The following TIMP2 variants were observed in gnomAD, a reference collection of about 807,000 sequenced individuals.
TIMP2 encodes the protein metalloproteinase inhibitor 2.
TIMP2 carries 5 observed loss-of-function variants against 24.3 expected under a neutral mutation model. That is an observed-to-expected ratio of 0.21 (90% CI 0.11 to 0.43). The LOEUF is 0.43. Among genes scored for constraint, TIMP2 ranks in the 20% least tolerant of loss-of-function variants. TIMP2 has a pLI of 1.00. For missense variants in TIMP2, 221 were observed against 297.5 expected (o/e 0.74, Z 1.89); for synonymous variants, 130 against 123.2 (o/e 1.06, Z -0.37).
At chr17:78,923,412 A>AGGGGGGGGGG (rs2070324055) in intron 1 of TIMP2, among the ~76,000 whole-genome samples, 1 of 9,840 alleles carries the variant, frequency 1.0e-4, no homozygotes, top group African/African-American at 4.2e-4. Flanking sequence ...GGGGGGCGGG[A>AGGGGGGGGGG]GGGGGAGGGG....
rs796878154 is a variant in TIMP2, at chr17:78,866,878, G to A, written c.340+4020C>T. Among the ~76,000 whole-genome samples, 14 of 152,266 alleles carry A rather than the reference G, an allele frequency of 9.2e-5. 1 individual carries two copies. The highest frequency in any genetic ancestry group is 3.4e-4 in the African/African-American group (14 of 41,562). ...GTGGCTGCTTAGGGCTGGGGGAGGGGGAGGGGAGTCAGGAGGGTAATAGCT... is the reference window on the plus strand; with the variant it reads ...GTGGCTGCTTAGGGCTGGGGGAGGGAGAGGGGAGTCAGGAGGGTAATAGCT... On this transcript the variant is annotated intron_variant, in intron 3 of 4. Transcript: ENST00000262768.
intron 1 of TIMP2, among the ~76,000 whole-genome samples, chr17:78,889,847 C>G: frequency 6.6e-6 from 1 of 152,250 alleles, no homozygotes; most frequent in South Asian, 2.1e-4. Flanking sequence ...AGGCCAGGCG[C>G]GGTGGCTCAA....
chr17:78,891,199 A>T lies in TIMP2; in HGVS notation c.131-17280T>A. 6.4e-7 allele frequency: 1 copy of T among 1,550,514 alleles called. No homozygotes were observed. The highest frequency in any genetic ancestry group is 1.2e-5 in the South Asian group (1 of 84,048). On this transcript the variant is annotated intron_variant, in intron 1 of 4. Transcript: ENST00000262768. This position sits in a 1 kb window ranked among gnomAD's most constrained non-coding sequence, Gnocchi z 4.5. ...TAAACGTGGGCTTGACCGTGCCCTG[A>T]TATTTTTGGTTCTGGGCCTTGCCCA...
At position 78,877,919 on chromosome 17, in the gene TIMP2, G is replaced by T. The variant is rs111971642; in HGVS notation, c.131-4000C>A. Among the ~76,000 whole-genome samples the T allele has an allele frequency of 3.9e-3, 595 of 152,040 alleles. 2 individuals are homozygous for T. Among genetic ancestry groups the T allele is most frequent in the African/African-American group, 0.014 (562 of 41,502 alleles). ...GACGGGGTTTCACCATGCTGGCCAG[G>T]ATGGTCTTGAACTCCTGACCTCGTG... is the stretch of plus-strand genomic sequence containing the variant. On this transcript the variant is annotated intron_variant, in intron 1 of 4. Transcript: ENST00000262768.
chr17:78,869,370 T>G, intron 3 of TIMP2, among the ~76,000 whole-genome samples: 1 of 146,662 alleles, frequency 6.8e-6, no homozygotes, highest in African/African-American at 2.5e-5. Context: ...TTGCAGTGAG[T>G]CATGATCGCA....
chr17:78,918,228 C>T (rs1262907085), intron 1 of TIMP2, among the ~76,000 whole-genome samples: 3 of 152,176 alleles, frequency 2.0e-5, no homozygotes, highest in Non-Finnish European at 4.4e-5. Flanking sequence ...TGCTTCTTAG[C>T]GTAAACACAC....
chr17:78,924,017 G>A lies in TIMP2; in HGVS notation c.130+942C>T, dbSNP rs905813848. Among the ~76,000 whole-genome samples the A allele has an allele frequency of 5.3e-5, 8 of 152,168 alleles. No homozygotes were observed. Among genetic ancestry groups the A allele is most frequent in the Non-Finnish European group, 1.2e-4 (8 of 68,022 alleles). Reference sequence around the variant, plus strand: ...TGCCGTGTAGCCAGACTTGCCCCAGGAAAACCATGCTGACCAGCACCAGGG... The same window carrying A: ...TGCCGTGTAGCCAGACTTGCCCCAGAAAAACCATGCTGACCAGCACCAGGG... On this transcript the variant is annotated intron_variant, in intron 1 of 4. Coordinates refer to ENST00000262768, the MANE Select transcript of TIMP2 (RefSeq NM_003255.5). The surrounding 1 kb of genome is among the most constrained non-coding windows in gnomAD (Gnocchi z 5.3).
At chr17:78,878,536 CCA>C (rs1421375247) in intron 1 of TIMP2, among the ~76,000 whole-genome samples, 2 of 152,200 alleles carry the variant, frequency 1.3e-5, no homozygotes, top group African/African-American at 4.8e-5. Flanking sequence ...GGTCAGCAGG[CCA>C]CAGACTCTCG....
At chr17:78,868,818 T>G (rs1317838672) in intron 3 of TIMP2, among the ~76,000 whole-genome samples, 1 of 152,176 alleles carries the variant, frequency 6.6e-6, no homozygotes, top group East Asian at 1.9e-4. Flanking sequence ...CTTCCATCAC[T>G]GCAGAAAGCT....
intron 1 of TIMP2, among the ~76,000 whole-genome samples, chr17:78,918,162 G>A (rs114170953): frequency 1.2e-3 from 184 of 152,170 alleles, no homozygotes; most frequent in African/African-American, 4.3e-3. Context: ...ATCTCTGGCT[G>A]GGTGTTCACA....
intron 1 of TIMP2, among the ~76,000 whole-genome samples, chr17:78,883,952 G>A (rs989240343): frequency 6.6e-6 from 1 of 152,186 alleles, no homozygotes; most frequent in South Asian, 2.1e-4. Context: ...TCCCATTCAC[G>A]TGCTGCTGAA....
At chr17:78,887,557 G>A (rs539977293) in intron 1 of TIMP2, among the ~76,000 whole-genome samples, 7 of 152,168 alleles carry the variant, frequency 4.6e-5, no homozygotes, top group African/African-American at 1.7e-4. Context: ...GCTAATTTCC[G>A]TATTTTTAGT....
In TIMP2 at chr17:78,865,683, T is replaced by G. The variant is rs535694015; in HGVS notation, c.340+5215A>C. ...GTTGGGCACCTGTAATCCCAGCTAC[T>G]TGGGAGGCTGAGGCAGGAGAACTGC... On this transcript the variant is annotated intron_variant, in intron 3 of 4. Transcript: ENST00000262768. 5.3e-5 allele frequency among the ~76,000 whole-genome samples: 8 copies of G among 151,090 alleles called. No individual in the cohort carries two copies. The East Asian group carries it at 1.2e-3, about 22-fold the overall frequency.
chr17:78,870,938 G>T lies in TIMP2; in HGVS notation c.300C>A (p.Val100=), dbSNP rs1185104783. Residue 100 remains valine (V), a synonymous_variant, in exon 3 of 5, where the codon GTC becomes GTA. Coordinates refer to ENST00000262768, the MANE Select transcript of TIMP2 (RefSeq NM_003255.5). ...CCTTCTTTCCTCCAACGTCCAGCGA[G>T]ACCCCACACACTGCCGAGGAGGGGG... ...YTAPSSAVCG[V]SLDVGGKKEY... The T allele has an allele frequency of 6.2e-7, 1 of 1,613,712 alleles. No individual in the cohort carries two copies. Among genetic ancestry groups the T allele is most frequent in the Admixed American group, 1.7e-5 (1 of 59,954 alleles).
At position 78,871,349 on chromosome 17, in the gene TIMP2, G is replaced by A. The variant is rs150622101; in HGVS notation, c.232-343C>T. Among the ~76,000 whole-genome samples the A allele has an allele frequency of 4.2e-3, 631 of 151,854 alleles. 4 individuals carry two copies. The highest frequency in any genetic ancestry group is 0.014 in the African/African-American group (591 of 41,398). On this transcript the variant is annotated intron_variant, in intron 2 of 4. Coordinates refer to ENST00000262768, the MANE Select transcript of TIMP2 (RefSeq NM_003255.5). ...CGCCTGTAATCCCAGCTATGTGGGAGGCTGAGGCAGGAGAATCGCTTGAAC... is the reference window on the plus strand; with the variant it reads ...CGCCTGTAATCCCAGCTATGTGGGAAGCTGAGGCAGGAGAATCGCTTGAAC...
At chr17:78,871,463 A>AG (rs1189772033) in intron 2 of TIMP2, among the ~76,000 whole-genome samples, 7 of 129,822 alleles carry the variant, frequency 5.4e-5, no homozygotes, top group East Asian at 4.2e-4. Context: ...AAAAAAAAAA[A>AG]AAAAAAAGAA....
At chr17:78,872,869 G>A (rs1332544066) in intron 2 of TIMP2, among the ~76,000 whole-genome samples, 1 of 150,812 alleles carries the variant, frequency 6.6e-6, no homozygotes, top group East Asian at 1.9e-4. Context: ...CGCTCTTGTC[G>A]CACAGGCTGG....
intron 1 of TIMP2, among the ~76,000 whole-genome samples, chr17:78,875,814 G>C (rs1269118087): frequency 6.6e-6 from 1 of 152,158 alleles, no homozygotes; most frequent in Non-Finnish European, 1.5e-5. Flanking sequence ...GCTCAGGCGT[G>C]TGGGTGCTCC....
chr17:78,871,542 C>G (rs1264157420), intron 2 of TIMP2, among the ~76,000 whole-genome samples: 2 of 151,420 alleles, frequency 1.3e-5, no homozygotes, highest in Non-Finnish European at 2.9e-5. Context: ...CAGATCACAG[C>G]AGGTGAGCAC....
Sources: allele counts gnomAD v4.1 joint callset (sites outside exome capture counted in the v4.1 genomes callset), GRCh38; gene constraint gnomAD v4.1.1; non-coding constraint Gnocchi (gnomAD v3.1); transcripts MANE v1.5; gene names NCBI Gene and HGNC (gene_info 2026-07-23, HGNC 2026-07-21).